The following FOXP2 variants were observed in gnomAD, a reference collection of about 807,000 sequenced individuals.
FOXP2 encodes forkhead box P2, also known as forkhead box protein P2.
Under a neutral mutation model 115.8 loss-of-function variants are expected in FOXP2, and 12 were observed. The observed-to-expected ratio is 0.10, with a 90% CI of 0.07 to 0.17. The LOEUF (loss-of-function observed/expected upper bound fraction) is 0.17. Among genes scored for constraint, FOXP2 ranks in the 10% least tolerant of loss-of-function variants. FOXP2 has a pLI of 1.00. For synonymous variants in FOXP2, 328 were observed against 297.7 expected, an observed-to-expected ratio of 1.10 and a Z score of -1.05; for missense variants, 629 against 843.5, an observed-to-expected ratio of 0.75 and a Z score of 3.15.
At chr7:114,345,718 C>T (rs1033905797) in intron 2 of FOXP2, among the ~76,000 whole-genome samples, 1 of 151,564 alleles carries the variant, frequency 6.6e-6, no homozygotes, top group African/African-American at 2.4e-5. Flanking sequence ...GTACAGTACA[C>T]CAGCTGCAAA....
Position 114,692,109 on chromosome 7 carries a change from T to C in FOXP2, c.*2183T>C, listed in dbSNP as rs1484596992. 1 of 453,844 alleles carries C rather than the reference T, an allele frequency of 2.2e-6. No individual in the cohort carries two copies. The highest frequency in any genetic ancestry group is 2.4e-5 in the Admixed American group (1 of 42,532). The allele number at this position is 453,844 out of a possible 1,614,324, so 28.1% of individuals were successfully genotyped here. Reference sequence around the variant, plus strand: ...GAAAGATGGGTATGGTGAAAGATGGTTTTCAGTCATCTAGGATCCTACTGT... The same window carrying C: ...GAAAGATGGGTATGGTGAAAGATGGCTTTCAGTCATCTAGGATCCTACTGT... On this transcript the variant is annotated 3_prime_UTR_variant, in exon 17 of 17. Coordinates refer to ENST00000350908, the MANE Select transcript of FOXP2 (RefSeq NM_014491.4).
chr7:114,634,000 C>CTTTT (rs1306304563), intron 6 of FOXP2, among the ~76,000 whole-genome samples: 1 of 151,400 alleles, frequency 6.6e-6, no homozygotes, highest in African/African-American at 2.4e-5. Context: ...AAAACTGTAT[C>CTTTT]TTTTCTTTTT....
At chr7:114,432,886 A>G (rs144080515) in intron 2 of FOXP2, among the ~76,000 whole-genome samples, 2 of 152,086 alleles carry the variant, frequency 1.3e-5, no homozygotes, top group African/African-American at 2.4e-5. Flanking sequence ...GTATTGTTCT[A>G]TTATCATCCA....
At position 114,527,678 on chromosome 7, in the gene FOXP2, A is replaced by T. The variant is rs1054788444; in HGVS notation, c.169-6939A>T. On this transcript the variant is annotated intron_variant, in intron 2 of 16. Coordinates refer to ENST00000350908, the MANE Select transcript of FOXP2 (RefSeq NM_014491.4). ...ATTCTGCCATCAGGCAAACAGCATAATCTTCTCTCCAAAGGCTGTGTTTTA... is the reference window on the plus strand; with the variant it reads ...ATTCTGCCATCAGGCAAACAGCATATTCTTCTCTCCAAAGGCTGTGTTTTA... Among the ~76,000 whole-genome samples the T allele has an allele frequency of 1.1e-4, 17 of 151,970 alleles. 1 individual carries two copies. Among genetic ancestry groups the T allele is most frequent in the Non-Finnish European group, 2.2e-4 (15 of 67,936 alleles).
intron 2 of FOXP2, chr7:114,463,001 T>C (rs1442744680): frequency 2.5e-6 from 1 of 395,678 alleles, no homozygotes; most frequent in Non-Finnish European, 5.0e-6. Flanking sequence ...CAAGATGCAG[T>C]ATATGCATTG....
At chr7:114,391,730 A>C in intron 2 of FOXP2, among the ~76,000 whole-genome samples, 1 of 152,250 alleles carries the variant, frequency 6.6e-6, no homozygotes, top group East Asian at 1.9e-4. Flanking sequence ...GTCCATGGCT[A>C]ACCAGATGTC....
At chr7:114,165,298 A>G (rs1352196749) in intron 1 of FOXP2, among the ~76,000 whole-genome samples, 1 of 152,218 alleles carries the variant, frequency 6.6e-6, no homozygotes, top group Non-Finnish European at 1.5e-5. Context: ...AAACAAAAAA[A>G]GGAAACAAAA....
intron 1 of FOXP2, among the ~76,000 whole-genome samples, chr7:114,118,424 A>G (rs576887666): frequency 6.6e-6 from 1 of 151,968 alleles, no homozygotes; most frequent in South Asian, 2.1e-4. Context: ...ATGACGGGTT[A>G]TATATCAACC....
chr7:114,226,975 C>T (rs1310394469), intron 1 of FOXP2, among the ~76,000 whole-genome samples: 1 of 152,086 alleles, frequency 6.6e-6, no homozygotes, highest in East Asian at 1.9e-4. Flanking sequence ...AAATTACATA[C>T]TCTAGTATGT....
chr7:114,178,332 T>A (rs748213766), intron 1 of FOXP2, among the ~76,000 whole-genome samples: 39 of 151,916 alleles, frequency 2.6e-4, no homozygotes, highest in Non-Finnish European at 4.7e-4. Context: ...ATGATAGTTA[T>A]TTTTTTCCTA....
At chr7:114,214,530 G>T (rs530794993) in intron 1 of FOXP2, among the ~76,000 whole-genome samples, 1 of 152,070 alleles carries the variant, frequency 6.6e-6, no homozygotes, top group Non-Finnish European at 1.5e-5. Flanking sequence ...TTTTACCATG[G>T]CTACTGAAGT....
chr7:114,353,599 T>C (rs915409091), intron 2 of FOXP2, among the ~76,000 whole-genome samples: 2 of 152,102 alleles, frequency 1.3e-5, no homozygotes, highest in African/African-American at 4.8e-5. Context: ...CCATAAACTT[T>C]GACACTTTCT....
chr7:114,139,689 A>G (rs1792150203), intron 1 of FOXP2, among the ~76,000 whole-genome samples: 1 of 152,284 alleles, frequency 6.6e-6, no homozygotes, highest in East Asian at 1.9e-4. Context: ...ACTGTATTGT[A>G]GCTTTTAAAA....
At chr7:114,613,503 G>A (rs1025837099) in intron 3 of FOXP2, among the ~76,000 whole-genome samples, 31 of 151,740 alleles carry the variant, frequency 2.0e-4, no homozygotes, top group African/African-American at 6.5e-4. Context: ...GTGAAACCCC[G>A]TCTCTACTAA....
intron 3 of FOXP2, among the ~76,000 whole-genome samples, chr7:114,548,630 T>C (rs911771718): frequency 6.6e-6 from 1 of 152,338 alleles, no homozygotes; most frequent in South Asian, 2.1e-4. Context: ...TTTTAAGTTT[T>C]AATATTTTTA....
At position 114,693,146 on chromosome 7, in the gene FOXP2, A is replaced by C. The variant is rs886061933; in HGVS notation, c.*3220A>C. On this transcript the variant is annotated 3_prime_UTR_variant, in exon 17 of 17. Transcript: ENST00000350908. ...ATTCGTGGCACAGTTGTACTATTTGAAAATCAATTAAAATTTTATGTGAAT... is the reference window on the plus strand; with the variant it reads ...ATTCGTGGCACAGTTGTACTATTTGCAAATCAATTAAAATTTTATGTGAAT... The C allele has an allele frequency of 2.2e-6, 1 of 453,840 alleles. No homozygotes were observed. The highest frequency in any genetic ancestry group is 4.4e-6 in the Non-Finnish European group (1 of 226,638). The allele number at this position is 453,840 out of a possible 1,614,324, so 28.1% of individuals were successfully genotyped here.
intron 3 of FOXP2, among the ~76,000 whole-genome samples, chr7:114,597,818 C>T (rs1190719894): frequency 1.3e-5 from 2 of 152,138 alleles, no homozygotes; most frequent in African/African-American, 4.8e-5. Context: ...AGCAAGCATG[C>T]AACAGTCAAC....
chr7:114,527,248 ATGT>A (rs1332951646), intron 2 of FOXP2, among the ~76,000 whole-genome samples: 17 of 152,048 alleles, frequency 1.1e-4, no homozygotes, highest in Admixed American at 8.5e-4. Context: ...ATTATGCATG[ATGT>A]TGATATGAAC....
chr7:114,647,887 G>A (rs2129335925), intron 8 of FOXP2, among the ~76,000 whole-genome samples: 1 of 152,078 alleles, frequency 6.6e-6, no homozygotes, highest in East Asian at 1.9e-4. Flanking sequence ...AAGCATAGAT[G>A]CCAACACACA....
Sources: allele counts gnomAD v4.1 joint callset (sites outside exome capture counted in the v4.1 genomes callset), GRCh38; gene constraint gnomAD v4.1.1; transcripts MANE v1.5; gene names NCBI Gene and HGNC (gene_info 2026-07-23, HGNC 2026-07-21).